AKAP8L: variants seen among roughly 807,000 people sequenced by gnomAD.
AKAP8L encodes A-kinase anchor protein 8-like.
In AKAP8L, 34 loss-of-function variants were observed where a neutral mutation model predicts 77.5. The observed-to-expected ratio is 0.44, with a 90% CI of 0.33 to 0.58. The LOEUF (loss-of-function observed/expected upper bound fraction) is 0.58, where lower values mean the gene tolerates loss of function less well. Ranked by LOEUF, AKAP8L falls within the 20% of genes least tolerant of loss-of-function variation. AKAP8L has a pLI of 0.02. For synonymous variants in AKAP8L, 342 were observed against 340.7 expected (o/e 1.00, Z -0.04); for missense variants, 806 against 887.6 (o/e 0.91, Z 1.17).
chr19:15,415,977 C>T (rs1275423048), intron 1 of AKAP8L, among the ~76,000 whole-genome samples: 1 of 151,930 alleles, frequency 6.6e-6, no homozygotes, highest in African/African-American at 2.4e-5. Flanking sequence ...GCCTCAACCT[C>T]GCAGAGCTAA....
chr19:15,412,772 A>C (rs557461425), intron 1 of AKAP8L, among the ~76,000 whole-genome samples: 1 of 152,138 alleles, frequency 6.6e-6, no homozygotes, highest in Non-Finnish European at 1.5e-5. Context: ...TCGATCTCCT[A>C]ACCTTGTGAT....
At chr19:15,382,208 T>A (rs994438466) in intron 12 of AKAP8L, among the ~76,000 whole-genome samples, 13 of 48,910 alleles carry the variant, frequency 2.7e-4, no homozygotes, top group South Asian at 1.8e-3. Flanking sequence ...CACATTTAAA[T>A]TTTTTTTTTT....
At position 15,386,846 on chromosome 19, in the gene AKAP8L, A is replaced by T. The variant is rs1967548738; in HGVS notation, c.1537-6234T>A. 2.0e-5 allele frequency among the ~76,000 whole-genome samples: 3 copies of T among 152,084 alleles called. No homozygotes were observed. In the South Asian group the frequency reaches 6.2e-4, roughly 32 times the overall value. On this transcript the variant is annotated intron_variant, in intron 12 of 13. Transcript: ENST00000397410. ...GCTAATTTTTGTATTTTTAGTAAAG[A>T]TGGGGTTTCACGATGTTGTCCAGGC...
intron 12 of AKAP8L, chr19:15,383,832 A>T (rs780688372): frequency 2.0e-5 from 3 of 151,862 alleles, no homozygotes; most frequent in Non-Finnish European, 2.9e-5. Context: ...TGTGCTGTCT[A>T]TATTAATTTG....
At chr19:15,404,160 C>T in intron 2 of AKAP8L, 118 bp from the exon 3 acceptor site, 3 of 1,038,576 alleles carry the variant, frequency 2.9e-6, no homozygotes, top group Non-Finnish European at 4.3e-6. Flanking sequence ...CCTCCCCTAA[C>T]CGAGAAGCCT....
At chr19:15,387,288 T>C (rs1373629977) in intron 12 of AKAP8L, among the ~76,000 whole-genome samples, 2 of 152,206 alleles carry the variant, frequency 1.3e-5, no homozygotes, top group Non-Finnish European at 2.9e-5. Context: ...TCAGAGATTC[T>C]GCCCACAGTG....
At chr19:15,383,158 C>T (rs970306890) in intron 12 of AKAP8L, 2 of 152,196 alleles carry the variant, frequency 1.3e-5, no homozygotes, top group African/African-American at 4.8e-5. Context: ...AACTACAAGG[C>T]GCTTTCCCCA....
chr19:15,401,536 A>T lies in AKAP8L; in HGVS notation c.430T>A (p.Tyr144Asn). 1.2e-6 allele frequency: 2 copies of T among 1,613,638 alleles called. No homozygotes were observed. Among genetic ancestry groups the T allele is most frequent in the Non-Finnish European group, 1.7e-6 (2 of 1,179,812 alleles). ...LSERDLYRSG[Y>N]DYSELDPEME... is the part of the protein sequence containing the mutation. ...TCAGGGTCAAGCTCGCTGTAGTCAT[A>T]GCCTGACCGGTACAGGTCGCGCTCA... Residue 144 changes from tyrosine to asparagine, a missense_variant, in exon 5 of 14, where the codon TAT (tyrosine) becomes AAT (asparagine). Tyr to Asn is a moderately radical substitution (Grantham distance 143, BLOSUM62 -2). Around this residue, in one of 2 missense-constraint regions of AKAP8L, gnomAD observed 580 missense variants for 694.1 expected, o/e 0.84. Transcript: ENST00000397410. The surrounding 1 kb of genome is among the most constrained non-coding windows in gnomAD (Gnocchi z 6.2).
intron 1 of AKAP8L, among the ~76,000 whole-genome samples, chr19:15,417,338 C>T (rs1005918792): frequency 2.0e-5 from 3 of 152,196 alleles, no homozygotes; most frequent in Non-Finnish European, 4.4e-5. Context: ...CATAGTCTTT[C>T]CTCCTGAACT....
chr19:15,385,944 T>G lies in AKAP8L; in HGVS notation c.1537-5332A>C, dbSNP rs552627403. 9.6e-5 allele frequency among the ~76,000 whole-genome samples: 14 copies of G among 145,498 alleles called. 1 individual carries two copies. The South Asian group carries it at 2.8e-3, about 29-fold the overall frequency. On this transcript the variant is annotated intron_variant, in intron 12 of 13. Transcript: ENST00000397410. ...TTTTTTTTTTTTTGAGGAGTCTCAC[T>G]CTGTTGCCCAGGCTGGAGTGCAGTG...
chr19:15,403,907 G>A lies in AKAP8L; in HGVS notation c.121+103C>T. The A allele has an allele frequency of 3.6e-6, 5 of 1,390,490 alleles. No individual in the cohort carries two copies. Among genetic ancestry groups the A allele is most frequent in the Admixed American group, 1.8e-5 (1 of 54,070 alleles). The allele number at this position is 1,390,490 out of a possible 1,614,324, so 86.1% of individuals were successfully genotyped here. ...AAGGAGTAGGTAACCCCAGAAACAT[G>A]CCCCCTCCCCACTCCCAACCTTGGC... On this transcript the variant is annotated intron_variant, in intron 3 of 13. Coordinates refer to ENST00000397410, the MANE Select transcript of AKAP8L (RefSeq NM_014371.4). This position sits in a 1 kb window ranked among gnomAD's most constrained non-coding sequence, Gnocchi z 4.3.
At chr19:15,410,673 A>G in intron 1 of AKAP8L, 79 bp from the exon 2 acceptor site, 1 of 1,168,056 alleles carries the variant, frequency 8.6e-7, no homozygotes, top group South Asian at 1.3e-5. Context: ...CCTTTGGTAT[A>G]GGATTGCCAG....
chr19:15,389,015 C>A (rs1967601551), intron 12 of AKAP8L, among the ~76,000 whole-genome samples: 1 of 146,936 alleles, frequency 6.8e-6, no homozygotes, highest in Non-Finnish European at 1.5e-5. Flanking sequence ...GAGATGGAGA[C>A]CATCTTGGCT....
chr19:15,400,755 C>T (rs1967876703), intron 7 of AKAP8L, 39 bp downstream of exon 7: 4 of 1,612,146 alleles, frequency 2.5e-6, no homozygotes, highest in African/African-American at 1.3e-5. Context: ...CCAGCTCGCC[C>T]TGCCTGCAGA....
chr19:15,384,294 C>T (rs1218568107), intron 12 of AKAP8L, among the ~76,000 whole-genome samples: 5 of 111,464 alleles, frequency 4.5e-5, no homozygotes, highest in Admixed American at 3.4e-4. Context: ...CTTTCTTCTT[C>T]CCTCCCTGTT....
At chr19:15,382,915 GTA>G (rs1192228806) in intron 12 of AKAP8L, among the ~76,000 whole-genome samples, 2 of 152,094 alleles carry the variant, frequency 1.3e-5, no homozygotes, top group South Asian at 4.1e-4. Flanking sequence ...AACTCAATCT[GTA>G]TATGTTATGA....
In AKAP8L at chr19:15,397,061, G is replaced by A. The variant is rs935860788; in HGVS notation, c.1536+89C>T. On this transcript the variant is annotated intron_variant, in intron 12 of 13. Coordinates refer to ENST00000397410, the MANE Select transcript of AKAP8L (RefSeq NM_014371.4). The surrounding 1 kb of genome is among the most constrained non-coding windows in gnomAD (Gnocchi z 4.7). ...TCCTGCCTCCACTGCAGTCCCTCAC[G>A]GGCTGGCAGAGGTTCCAACTGCACA... is the stretch of plus-strand genomic sequence containing the variant. The A allele has an allele frequency of 6.6e-5, 103 of 1,563,896 alleles. 1 individual carries two copies. The South Asian group carries it at 8.4e-4, about 13-fold the overall frequency.
At chr19:15,391,542 T>C (rs559852646) in intron 12 of AKAP8L, among the ~76,000 whole-genome samples, 1 of 144,894 alleles carries the variant, frequency 6.9e-6, no homozygotes, top group African/African-American at 2.6e-5. Context: ...TATTTTATTT[T>C]ATTTATTTAT....
chr19:15,405,035 AG>A, intron 2 of AKAP8L, among the ~76,000 whole-genome samples: 1 of 152,364 alleles, frequency 6.6e-6, no homozygotes, highest in South Asian at 2.1e-4. Flanking sequence ...AAACCAAAAC[AG>A]GCTTCTCATC....
Sources: gnomAD v4.1 joint callset for allele counts (sites outside exome capture counted in the v4.1 genomes callset) on GRCh38, gnomAD v4.1.1 for gene constraint, gnomAD v4.1.1 regional missense constraint, Gnocchi (gnomAD v3.1) non-coding constraint, MANE v1.5 for transcripts, NCBI Gene and HGNC (gene_info 2026-07-23, HGNC 2026-07-21) for gene names.